The following TMEM108 variants were observed in gnomAD, a reference collection of about 807,000 sequenced individuals.
TMEM108 encodes transmembrane protein 108.
In TMEM108, 12 loss-of-function variants were observed where a neutral mutation model predicts 35.1. The ratio of observed to expected loss-of-function variants is 0.34; its 90% CI spans 0.22 to 0.55. The LOEUF (loss-of-function observed/expected upper bound fraction) is 0.55, where lower values mean the gene tolerates loss of function less well. Among genes scored for constraint, TMEM108 ranks in the 20% least tolerant of loss-of-function variants. The pLI, the probability that TMEM108 is intolerant of heterozygous loss-of-function variation, is 0.89. For synonymous variants in TMEM108, 287 were observed against 308.6 expected, an observed-to-expected ratio of 0.93 and a Z score of 0.73; for missense variants, 680 against 753.3, an observed-to-expected ratio of 0.90 and a Z score of 1.14.
chr3:133,265,659 T>C (rs1946686786), intron 3 of TMEM108, among the ~76,000 whole-genome samples: 1 of 152,178 alleles, frequency 6.6e-6, no homozygotes, highest in Non-Finnish European at 1.5e-5. Flanking sequence ...AGGTGTCTGC[T>C]GTTGGGCTTT....
chr3:133,076,826 C>T (rs946327891), intron 2 of TMEM108, among the ~76,000 whole-genome samples: 2 of 152,182 alleles, frequency 1.3e-5, no homozygotes, highest in Non-Finnish European at 2.9e-5. Context: ...CTTTGGGTTG[C>T]GCCACCTTTA....
At chr3:133,388,125 C>G (rs2073181071) in intron 4 of TMEM108, 1 of 985,384 alleles carries the variant, frequency 1.0e-6, no homozygotes, top group Non-Finnish European at 1.2e-6. Flanking sequence ...TCTACCAAAA[C>G]TGAGCTGGAG....
Position 133,286,811 on chromosome 3 carries a change from CAT to C in TMEM108, c.40+57462_40+57463del, listed in dbSNP as rs553068515. On this transcript the variant is annotated intron_variant, in intron 3 of 5. Transcript: ENST00000321871. ...CACCTGTATATCCACTGAACACTGA[CAT>C]AGATCCTATCTCTAGATCCCCACTG... Among the ~76,000 whole-genome samples the C allele has an allele frequency of 5.9e-5, 9 of 152,316 alleles. No individual in the cohort carries two copies. In the South Asian group the frequency reaches 1.9e-3, roughly 32 times the overall value.
At chr3:133,109,913 C>T (rs1441831358) in intron 2 of TMEM108, among the ~76,000 whole-genome samples, 4 of 152,102 alleles carry the variant, frequency 2.6e-5, no homozygotes, top group South Asian at 2.1e-4. Context: ...GTATATAATA[C>T]GGTACTTAGG....
chr3:133,304,583 A>G (rs1576444175), intron 3 of TMEM108, among the ~76,000 whole-genome samples: 2 of 152,120 alleles, frequency 1.3e-5, no homozygotes, highest in East Asian at 1.9e-4. Flanking sequence ...ATTCATATAG[A>G]TGAAATTATA....
intron 3 of TMEM108, among the ~76,000 whole-genome samples, chr3:133,241,406 T>C (rs1946310789): frequency 6.6e-6 from 1 of 152,232 alleles, no homozygotes. Context: ...TCAGAAGTTT[T>C]CTAGCCTTTC....
intron 2 of TMEM108, among the ~76,000 whole-genome samples, chr3:133,083,642 T>C (rs1395534070): frequency 6.6e-6 from 1 of 152,220 alleles, no homozygotes; most frequent in Non-Finnish European, 1.5e-5. Flanking sequence ...TCTTTTCATG[T>C]CCCTGAAGTA....
Position 133,085,270 on chromosome 3 carries a change from T to G in TMEM108, c.-47+39250T>G, listed in dbSNP as rs1245459611. ...AATATAAAATGAATGTTTTCATTTTTTTACCCCATTTCCTCTGCCTTATAG... is the reference window on the plus strand; with the variant it reads ...AATATAAAATGAATGTTTTCATTTTGTTACCCCATTTCCTCTGCCTTATAG... On this transcript the variant is annotated intron_variant, in intron 2 of 5. Transcript: ENST00000321871. Among the ~76,000 whole-genome samples, 3 of 152,292 alleles carry G rather than the reference T, an allele frequency of 2.0e-5. No homozygotes were observed. The East Asian group carries it at 5.8e-4, about 29-fold the overall frequency.
intron 5 of TMEM108, among the ~76,000 whole-genome samples, chr3:133,394,035 C>G (rs2073271391): frequency 6.6e-6 from 1 of 152,190 alleles, no homozygotes; most frequent in Non-Finnish European, 1.5e-5. Flanking sequence ...AGCCGTTCCT[C>G]TTGTTCTGCT....
chr3:133,111,156 G>T (rs1446140639), intron 2 of TMEM108, among the ~76,000 whole-genome samples: 1 of 152,090 alleles, frequency 6.6e-6, no homozygotes, highest in Non-Finnish European at 1.5e-5. Context: ...CTGAATTTTT[G>T]AATGTAGTGT....
chr3:133,136,890 G>A (rs532625180), intron 2 of TMEM108, among the ~76,000 whole-genome samples: 2 of 152,242 alleles, frequency 1.3e-5, no homozygotes, highest in South Asian at 4.1e-4. Context: ...CTGCTGTGTC[G>A]CTCAGCTGCT....
At chr3:133,322,863 A>G (rs2071284033) in intron 3 of TMEM108, among the ~76,000 whole-genome samples, 1 of 152,226 alleles carries the variant, frequency 6.6e-6, no homozygotes, top group Non-Finnish European at 1.5e-5. Flanking sequence ...ATGGTTTAAC[A>G]TATACAAATC....
chr3:133,056,135 A>ATATCTTATATCTTATATCTTT (rs879667927), intron 2 of TMEM108, among the ~76,000 whole-genome samples: 18,813 of 151,650 alleles, frequency 0.12, 1,316 homozygotes, highest in African/African-American at 0.2. Flanking sequence ...TTATTTCCAG[A>ATATCTTATATCTTATATCTTT]GTTCTATGGT....
intron 3 of TMEM108, among the ~76,000 whole-genome samples, chr3:133,332,680 A>G (rs1385742861): frequency 6.6e-6 from 1 of 152,164 alleles, no homozygotes; most frequent in Non-Finnish European, 1.5e-5. Context: ...AAAATGGGAG[A>G]TAGAGGGTTA....
chr3:133,379,920 C>A lies in TMEM108; in HGVS notation c.209C>A (p.Pro70His). 3 of 1,613,894 alleles carry A rather than the reference C, an allele frequency of 1.9e-6. No homozygotes were observed. Among genetic ancestry groups the A allele is most frequent in the Non-Finnish European group, 2.5e-6 (3 of 1,179,918 alleles). ...TCTGTGGTGATGCTGACCCCCAATC[C>A]CGATGGACCCCCCTCACAGGCTGCA... ...HTSVVMLTPN[P>H]DGPPSQAAAP... Residue 70 changes from proline to histidine, a missense_variant, in exon 4 of 6, where the codon CCC becomes CAC. By Grantham distance (77) the Pro-to-His change is moderately conservative. This residue lies in a region of TMEM108 where 526 missense variants were observed against 532.1 expected (regional missense o/e 0.99). Coordinates refer to ENST00000321871, the MANE Select transcript of TMEM108 (RefSeq NM_023943.4).
At chr3:133,056,920 C>T (rs924620239) in intron 2 of TMEM108, among the ~76,000 whole-genome samples, 3 of 152,158 alleles carry the variant, frequency 2.0e-5, no homozygotes, top group Admixed American at 2.0e-4. Context: ...GCAAAGAATA[C>T]CTCTTTAAAA....
chr3:133,306,659 T>C (rs1389858930), intron 3 of TMEM108, among the ~76,000 whole-genome samples: 1 of 152,154 alleles, frequency 6.6e-6, no homozygotes, highest in Non-Finnish European at 1.5e-5. Context: ...AGAATGATAG[T>C]TTCCAGCTTC....
chr3:133,103,691 G>A (rs905740644), intron 2 of TMEM108, among the ~76,000 whole-genome samples: 5 of 152,270 alleles, frequency 3.3e-5, no homozygotes, highest in Admixed American at 6.5e-5. Flanking sequence ...GTCAGAATCC[G>A]CTTTCTGGGC....
intron 2 of TMEM108, among the ~76,000 whole-genome samples, chr3:133,160,017 C>T (rs1009725354): frequency 1.3e-5 from 2 of 152,186 alleles, no homozygotes; most frequent in African/African-American, 4.8e-5. Context: ...TCAAACAGCA[C>T]ATGCTAGGTT....
Sources: allele counts gnomAD v4.1 joint callset (sites outside exome capture counted in the v4.1 genomes callset), GRCh38; gene constraint gnomAD v4.1.1; regional missense constraint gnomAD v4.1.1; transcripts MANE v1.5; gene names NCBI Gene and HGNC (gene_info 2026-07-23, HGNC 2026-07-21).